The following ARSD variants were observed in gnomAD, a reference collection of about 807,000 sequenced individuals.
The protein encoded by ARSD is arylsulfatase D, also known as testis tissue sperm-binding protein Li 39a.
A neutral mutation model predicts 32.6 loss-of-function variants in ARSD; 21 were observed. The ratio of observed to expected loss-of-function variants is 0.64; its 90% CI spans 0.46 to 0.93. The LOEUF (loss-of-function observed/expected upper bound fraction) is 0.93, where lower values mean the gene tolerates loss of function less well. Ranked by LOEUF, ARSD falls within the 40% of genes least tolerant of loss-of-function variation. The pLI, the probability that ARSD is intolerant of heterozygous loss-of-function variation, is 0.00. For missense variants in ARSD, 454 were observed against 520.9 expected, an observed-to-expected ratio of 0.87 and a Z score of 1.25; for synonymous variants, 224 against 237.4, an observed-to-expected ratio of 0.94 and a Z score of 0.52.
chrX:2,921,862 C>T (rs774538527), intron 3 of ARSD, 41 bp downstream of exon 3: 1 of 1,187,229 alleles, frequency 8.4e-7, no homozygotes, highest in Admixed American at 2.3e-5. Flanking sequence ...AATGAGTGCA[C>T]ACAGATGTAC....
intron 1 of ARSD, 83 bp downstream of exon 1, chrX:2,929,149 G>T: frequency 1.1e-6 from 1 of 899,151 alleles, no homozygotes; most frequent in Non-Finnish European, 1.4e-6. Context: ...CTCGCCCGGG[G>T]CGCCCCTCGC....
chrX:2,911,752 C>T (rs1305719634), intron 6 of ARSD, among the ~76,000 whole-genome samples: 4 of 109,158 alleles, frequency 3.7e-5, no homozygotes, highest in Admixed American at 9.8e-5. Flanking sequence ...GTAGTGGGGG[C>T]GGGGGGAGTG....
chrX:2,907,278 G>A lies in ARSD; in HGVS notation c.1775C>T (p.Thr592Ile). 1 of 1,205,541 alleles carries A rather than the reference G, an allele frequency of 8.3e-7. No homozygotes were observed. Among genetic ancestry groups the A allele is most frequent in the Non-Finnish European group, 1.1e-6 (1 of 891,587 alleles). ...FCSCHEDGDG[T>I]P Reference sequence around the variant, plus strand: ...CTCTCACAGTCCTGGCATTCAGGGGGTGCCATCCCCATCCTCGTGGCATGA... The same window carrying A: ...CTCTCACAGTCCTGGCATTCAGGGGATGCCATCCCCATCCTCGTGGCATGA... Residue 592 changes from threonine (T) to isoleucine (I), a missense_variant, in exon 10 of 10, where the codon ACC becomes ATC. By Grantham distance (89) the Thr-to-Ile change is moderately conservative. This residue lies in a region of ARSD where 179 missense variants were observed against 198.5 expected (regional missense o/e 0.90). Transcript: ENST00000381154.
In ARSD at chrX:2,926,531, T is replaced by C. The variant is rs60915917; in HGVS notation, c.45-766A>G. Reference sequence around the variant, plus strand: ...AGTATGTAACTTCACACTCAGTCAGTGCTGAAACAGTTGTTACGGAGGCCT... The same window carrying C: ...AGTATGTAACTTCACACTCAGTCAGCGCTGAAACAGTTGTTACGGAGGCCT... On this transcript the variant is annotated intron_variant, in intron 1 of 9. Transcript: ENST00000381154. Among the ~76,000 whole-genome samples, 85 of 111,775 alleles carry C rather than the reference T, an allele frequency of 7.6e-4. 2 individuals carry two copies. In the East Asian group the frequency reaches 0.023, roughly 30 times the overall value.
At chrX:2,924,061 C>A (rs971753079) in intron 2 of ARSD, among the ~76,000 whole-genome samples, 12 of 112,458 alleles carry the variant, frequency 1.1e-4, no homozygotes, top group Non-Finnish European at 2.1e-4. Context: ...GAGACAGGGT[C>A]TTGCTCTGTG....
At chrX:2,912,997 T>C (rs1425671178) in intron 6 of ARSD, among the ~76,000 whole-genome samples, 2 of 111,969 alleles carry the variant, frequency 1.8e-5, no homozygotes, top group Non-Finnish European at 3.8e-5. Flanking sequence ...TTTAGAAAGT[T>C]TATTTTGCCA....
chrX:2,921,403 TTATC>T (rs1027725935), intron 3 of ARSD, among the ~76,000 whole-genome samples: 3 of 112,129 alleles, frequency 2.7e-5, no homozygotes, highest in African/African-American at 9.7e-5. Flanking sequence ...CAATCATCTC[TTATC>T]TAGCTATCTA....
At chrX:2,929,154 C>T in intron 1 of ARSD, 78 bp downstream of exon 1, 1 of 938,731 alleles carries the variant, frequency 1.1e-6, no homozygotes, top group Non-Finnish European at 1.3e-6. Flanking sequence ...CCGGGGCGCC[C>T]CTCGCCGTGC....
rs112924969 is a variant in ARSD, at chrX:2,915,708, T to G, written c.864-16A>C. 8.3e-7 allele frequency: 1 copy of G among 1,204,525 alleles called. No individual in the cohort carries two copies. The stretch of plus-strand genomic sequence containing the variant: ...ATGCTTGTGTCTGAAAGAAGAAAAC[T>G]TCCTTGAGAATACACAGAATATACA... On this transcript the variant is annotated splice_polypyrimidine_tract_variant and intron_variant, in intron 5 of 9. Transcript: ENST00000381154.
chrX:2,914,731 G>A (rs143665873), intron 6 of ARSD: 278 of 1,025,843 alleles, frequency 2.7e-4, no homozygotes, highest in Admixed American at 6.5e-4. Flanking sequence ...TAACTTTATC[G>A]CTTCACTTTC....
rs1016642758 is a variant in ARSD, at chrX:2,904,673, G to C, written c.*2598C>G. 1.1e-4 allele frequency: 14 copies of C among 130,449 alleles called. No individual in the cohort carries two copies. Among genetic ancestry groups the C allele is most frequent in the Admixed American group, 9.0e-5 (1 of 11,160 alleles). The allele number at this position is 130,449 out of a possible 1,213,427, so 10.8% of individuals were successfully genotyped here. On this transcript the variant is annotated 3_prime_UTR_variant, in exon 10 of 10. Coordinates refer to ENST00000381154, the MANE Select transcript of ARSD (RefSeq NM_001669.4). ...CTCTATGTGCAAGAGCAGGTAGCTAGAAAGAGCCTGCCAGCCCTGGGCTTA... is the reference window on the plus strand; with the variant it reads ...CTCTATGTGCAAGAGCAGGTAGCTACAAAGAGCCTGCCAGCCCTGGGCTTA...
chrX:2,913,884 G>C (rs2088925012), intron 6 of ARSD: 4 of 357,245 alleles, frequency 1.1e-5, no homozygotes, highest in Non-Finnish European at 1.2e-5. Context: ...GTGCTGCGGA[G>C]GGAGTAGCTT....
At chrX:2,926,455 C>A (rs1320273961) in intron 1 of ARSD, among the ~76,000 whole-genome samples, 1 of 112,154 alleles carries the variant, frequency 8.9e-6, no homozygotes, top group Non-Finnish European at 1.9e-5. Flanking sequence ...TCTTGGTGTG[C>A]TTTTGTTACA....
In ARSD at chrX:2,929,286, T is replaced by C; in HGVS notation, c.-11A>G. 1.0e-6 allele frequency: 1 copy of C among 1,002,086 alleles called. No individual in the cohort carries two copies. The highest frequency in any genetic ancestry group is 1.3e-6 in the Non-Finnish European group (1 of 797,482). 82.6% of individuals were successfully genotyped at this position (1,002,086 alleles called of 1,213,427 possible). A position where few individuals can be genotyped will look rare whatever the true frequency, so the allele number is the denominator to read the frequency against. On this transcript the variant is annotated 5_prime_UTR_variant, in exon 1 of 10. Coordinates refer to ENST00000381154, the MANE Select transcript of ARSD (RefSeq NM_001669.4). ...CGCGGCGGATCGCATGGCCGAGCGCTGGCCCAGAGCGCAGGACCTTGCCCT... is the reference window on the plus strand; with the variant it reads ...CGCGGCGGATCGCATGGCCGAGCGCCGGCCCAGAGCGCAGGACCTTGCCCT...
At position 2,908,932 on chromosome X, in the gene ARSD, G is replaced by A. The variant is rs1382656309; in HGVS notation, c.1299-90C>T. ...TGGGAACACATCTCCCAGAATGCAA[G>A]GCTCCCCAGCAAATGGAGCAGAGAT... is the stretch of plus-strand genomic sequence containing the variant. On this transcript the variant is annotated intron_variant, in intron 8 of 9. Coordinates refer to ENST00000381154, the MANE Select transcript of ARSD (RefSeq NM_001669.4). 5.2e-6 allele frequency: 6 copies of A among 1,161,424 alleles called. No individual in the cohort carries two copies. In the African/African-American group the frequency reaches 5.3e-5, roughly 10 times the overall value.
In ARSD at chrX:2,906,753, T is replaced by C; in HGVS notation, c.*518A>G. 8.9e-6 allele frequency: 1 copy of C among 112,551 alleles called. No individual in the cohort carries two copies. The highest frequency in any genetic ancestry group is 2.8e-4 in the East Asian group (1 of 3,534). The allele number at this position is 112,551 out of a possible 1,213,427, so 9.3% of individuals were successfully genotyped here. A position where few individuals can be genotyped will look rare whatever the true frequency, so the allele number is the denominator to read the frequency against. ...TGGCACAATGACGAACCCTGAGATT[T>C]AGAAGAGGAAGAGGAGGCATCAGTG... is the stretch of plus-strand genomic sequence containing the variant. On this transcript the variant is annotated 3_prime_UTR_variant, in exon 10 of 10. Coordinates refer to ENST00000381154, the MANE Select transcript of ARSD (RefSeq NM_001669.4).
chrX:2,912,879 G>A (rs773319959), intron 6 of ARSD, among the ~76,000 whole-genome samples: 5 of 112,505 alleles, frequency 4.4e-5, no homozygotes, highest in Non-Finnish European at 9.4e-5. Context: ...GTCATTGAAA[G>A]CACTGAAAGT....
Position 2,907,466 on chromosome X carries a change from CAG to C in ARSD, c.1585_1586del (p.Leu529AspfsTer153). ...LSRDPSEARP[L>X]TPDSEPLYHA... The stretch of plus-strand genomic sequence containing the variant: ...GGTACAGGGGCTCGGAGTCGGGGGT[CAG>C]GGGCCGTGCCTCGGAGGGGTCCCTG... On this transcript the variant is annotated frameshift_variant, in exon 10 of 10. Transcript: ENST00000381154. LOFTEE classifies it low-confidence loss of function (END_TRUNC). 8.3e-7 allele frequency: 1 copy of C among 1,209,560 alleles called. No homozygotes were observed. The highest frequency in any genetic ancestry group is 1.1e-6 in the Non-Finnish European group (1 of 894,348).
chrX:2,912,714 G>T (rs1337263999), intron 6 of ARSD, among the ~76,000 whole-genome samples: 1 of 111,388 alleles, frequency 9.0e-6, no homozygotes, highest in Non-Finnish European at 1.9e-5. Context: ...CTGGGGAGAG[G>T]GAAATGGTGA....
Sources: allele counts gnomAD v4.1 joint callset (sites outside exome capture counted in the v4.1 genomes callset), GRCh38; gene constraint gnomAD v4.1.1; regional missense constraint gnomAD v4.1.1; transcripts MANE v1.5; gene names NCBI Gene and HGNC (gene_info 2026-07-23, HGNC 2026-07-21).